The following THUMPD3 variants were observed in gnomAD, a reference collection of about 807,000 sequenced individuals.
THUMPD3 encodes the protein tRNA (guanine(6)-N(2))-methyltransferase THUMP3.
Under a neutral mutation model 54.5 loss-of-function variants are expected in THUMPD3, and 44 were observed. That is an observed-to-expected ratio of 0.81 (90% CI 0.63 to 1.04). The LOEUF (loss-of-function observed/expected upper bound fraction) is 1.04, where lower values mean the gene tolerates loss of function less well. Among genes scored for constraint, THUMPD3 ranks in the 50% least tolerant of loss-of-function variants. THUMPD3 has a pLI of 0.00. For synonymous variants in THUMPD3, 196 were observed against 201.4 expected (o/e 0.97, Z 0.23); for missense variants, 604 against 601.3 (o/e 1.00, Z -0.05).
In THUMPD3 at chr3:9,380,507, C is replaced by A. The variant is rs1348327465; in HGVS notation, c.1013C>A (p.Ala338Asp). Residue 338 changes from alanine (A) to aspartate (D), a missense_variant, in exon 7 of 10, where the codon GCC becomes GAC. By Grantham distance (126) the Ala-to-Asp change is moderately radical. Coordinates refer to ENST00000452837, the MANE Select transcript of THUMPD3 (RefSeq NM_001114092.2). ...ACATACACTCTTATCTTTTAGGGGG[C>A]CACTGAATGGTCTGACTGTTTCCAT... ...CGTGAIPIEG[A>D]TEWSDCFHIA... 1.2e-6 allele frequency: 2 copies of A among 1,600,786 alleles called. No homozygotes were observed. Among genetic ancestry groups the A allele is most frequent in the Non-Finnish European group, 1.7e-6 (2 of 1,169,994 alleles).
Position 9,386,432 on chromosome 3 carries a change from T to G in THUMPD3, c.*1744T>G, listed in dbSNP as rs959341088. Reference sequence around the variant, plus strand: ...GGGCAGGGTATTGTATCTGCCAGACTGGGTATTTGTTGAACAAGCGAGTAT... The same window carrying G: ...GGGCAGGGTATTGTATCTGCCAGACGGGGTATTTGTTGAACAAGCGAGTAT... On this transcript the variant is annotated 3_prime_UTR_variant, in exon 10 of 10. Coordinates refer to ENST00000452837, the MANE Select transcript of THUMPD3 (RefSeq NM_001114092.2). The G allele has an allele frequency of 1.6e-5, 2 of 128,808 alleles. No homozygotes were observed. Among genetic ancestry groups the G allele is most frequent in the Admixed American group, 1.9e-4 (2 of 10,468 alleles). The allele number at this position is 128,808 out of a possible 1,614,324, so 8.0% of individuals were successfully genotyped here. A position where few individuals can be genotyped will look rare whatever the true frequency, so the allele number is the denominator to read the frequency against.
chr3:9,370,429 G>C (rs1458712080), intron 3 of THUMPD3, among the ~76,000 whole-genome samples: 1 of 152,184 alleles, frequency 6.6e-6, no homozygotes, highest in Non-Finnish European at 1.5e-5. Context: ...ATTGTAGTCA[G>C]TGTTCATTCT....
Position 9,386,116 on chromosome 3 carries a change from A to C in THUMPD3, c.*1428A>C, listed in dbSNP as rs1231287401. ...TTTTGAAAGAAGAGTTCACATTAGCAGCACAGCCAGCAATCCTCATCTGGT... is the reference window on the plus strand; with the variant it reads ...TTTTGAAAGAAGAGTTCACATTAGCCGCACAGCCAGCAATCCTCATCTGGT... On this transcript the variant is annotated 3_prime_UTR_variant, in exon 10 of 10. Transcript: ENST00000452837. 6.6e-6 allele frequency: 1 copy of C among 152,260 alleles called. No homozygotes were observed. Among genetic ancestry groups the C allele is most frequent in the Non-Finnish European group, 1.5e-5 (1 of 68,052 alleles). The allele number at this position is 152,260 out of a possible 1,614,324, so 9.4% of individuals were successfully genotyped here.
At chr3:9,368,345 C>T (rs1325865184) in intron 3 of THUMPD3, among the ~76,000 whole-genome samples, 7 of 147,316 alleles carry the variant, frequency 4.8e-5, no homozygotes, top group Non-Finnish European at 7.4e-5. Context: ...CCATTCCCCA[C>T]CTCCACCCGC....
At chr3:9,383,808 G>T (rs1036721116) in intron 8 of THUMPD3, among the ~76,000 whole-genome samples, 1 of 152,144 alleles carries the variant, frequency 6.6e-6, no homozygotes, top group Non-Finnish European at 1.5e-5. Context: ...ATTTTTAAAA[G>T]ACAGGGTTTC....
chr3:9,372,480 T>C (rs760402050), intron 4 of THUMPD3, among the ~76,000 whole-genome samples: 2 of 151,824 alleles, frequency 1.3e-5, no homozygotes, highest in Non-Finnish European at 2.9e-5. Context: ...CTGGGGAGGC[T>C]GAGGCAGGAG....
chr3:9,372,069 G>T (rs2032087134), intron 4 of THUMPD3, among the ~76,000 whole-genome samples: 1 of 152,134 alleles, frequency 6.6e-6, no homozygotes, highest in Non-Finnish European at 1.5e-5. Flanking sequence ...TAGACATGGG[G>T]TTTCACCCTG....
chr3:9,365,208 G>C lies in THUMPD3; in HGVS notation c.140G>C (p.Gly47Ala). Residue 47 changes from glycine (G) to alanine (A), a missense_variant, in exon 2 of 10, where the codon GGC becomes GCC. Gly to Ala is a moderately conservative substitution (Grantham distance 60). Coordinates refer to ENST00000452837, the MANE Select transcript of THUMPD3 (RefSeq NM_001114092.2). ...ACTATTGGAGCCACTGTACCTACTGGCTTTGAGCAAACAGCTGCAGATGAA... is the reference window on the plus strand; with the variant it reads ...ACTATTGGAGCCACTGTACCTACTGCCTTTGAGCAAACAGCTGCAGATGAA... ...LVTIGATVPT[G>A]FEQTAADEVR... 1 of 1,614,182 alleles carries C rather than the reference G, an allele frequency of 6.2e-7. No individual in the cohort carries two copies. Among genetic ancestry groups the C allele is most frequent in the African/African-American group, 1.3e-5 (1 of 75,046 alleles).
chr3:9,376,654 A>G (rs957328139), intron 5 of THUMPD3, among the ~76,000 whole-genome samples: 1 of 152,236 alleles, frequency 6.6e-6, no homozygotes, highest in Non-Finnish European at 1.5e-5. Context: ...CTTGTGAGGG[A>G]GATAAATAGT....
chr3:9,381,650 GTC>G (rs1472732254), intron 7 of THUMPD3, among the ~76,000 whole-genome samples: 1 of 62,146 alleles, frequency 1.6e-5, no homozygotes, highest in Non-Finnish European at 2.7e-5. Context: ...TATATGGCCA[GTC>G]TTTTTTTTTT....
In THUMPD3 at chr3:9,385,599, A is replaced by C. The variant is rs1371928766; in HGVS notation, c.*911A>C. 1 of 152,268 alleles carries C rather than the reference A, an allele frequency of 6.6e-6. No individual in the cohort carries two copies. 9.4% of individuals were successfully genotyped at this position (152,268 alleles called of 1,614,324 possible). A position where few individuals can be genotyped will look rare whatever the true frequency, so the allele number is the denominator to read the frequency against. ...TAGAGGTCTAGGAATTATCAAAGGT[A>C]CTGCAAAAATACTGTATAGAACTTA... On this transcript the variant is annotated 3_prime_UTR_variant, in exon 10 of 10. Transcript: ENST00000452837.
Position 9,367,002 on chromosome 3 carries a change from ATGGTGG to A in THUMPD3, c.330+18_330+23del. ...CAAACAAAGGTGAGCTATCCTAAAC[ATGGTGG>A]CTGATTTTTGGCTGTCTTCCACAAA... On this transcript the variant is annotated intron_variant, in intron 3 of 9. Coordinates refer to ENST00000452837, the MANE Select transcript of THUMPD3 (RefSeq NM_001114092.2). 6.3e-7 allele frequency: 1 copy of A among 1,592,024 alleles called. No individual in the cohort carries two copies. Among genetic ancestry groups the A allele is most frequent in the Non-Finnish European group, 8.6e-7 (1 of 1,168,958 alleles).
chr3:9,383,186 T>C lies in THUMPD3; in HGVS notation c.1125-13T>C, dbSNP rs200273269. On this transcript the variant is annotated splice_polypyrimidine_tract_variant and intron_variant, in intron 7 of 9. Coordinates refer to ENST00000452837, the MANE Select transcript of THUMPD3 (RefSeq NM_001114092.2). ...TCACAGTATGTTGAAGCACCTTTCC[T>C]TTGTCCCCACAGCAAACCCTCCTGG... The C allele has an allele frequency of 1.3e-6, 2 of 1,599,478 alleles. No homozygotes were observed.
intron 7 of THUMPD3, among the ~76,000 whole-genome samples, chr3:9,381,066 G>A (rs1012911036): frequency 8.5e-5 from 13 of 152,152 alleles, no homozygotes. Flanking sequence ...CTAGTAGCTA[G>A]GAATACAGGC....
Position 9,365,254 on chromosome 3 carries a change from A to G in THUMPD3, c.186A>G (p.Ser62=). ...ATGAAGTCAGAGAGAAACTTGGGTC[A>G]TCATGCAAAATCAGCAGAGACCGTG... ...AADEVREKLG[S]SCKISRDRGK... is the part of the protein sequence containing the mutation. Residue 62 remains serine (S), a synonymous_variant, in exon 2 of 10, where the codon TCA becomes TCG. Coordinates refer to ENST00000452837, the MANE Select transcript of THUMPD3 (RefSeq NM_001114092.2). The G allele has an allele frequency of 6.2e-7, 1 of 1,614,204 alleles. No individual in the cohort carries two copies. The highest frequency in any genetic ancestry group is 8.5e-7 in the Non-Finnish European group (1 of 1,180,042).
chr3:9,380,407 A>C, intron 6 of THUMPD3, 96 bp from the exon 7 acceptor site: 1 of 794,560 alleles, frequency 1.3e-6, no homozygotes, highest in Non-Finnish European at 2.0e-6. Context: ...ATGTTTTGCC[A>C]CTCTAGAAAA....
intron 5 of THUMPD3, 76 bp from the exon 6 acceptor site, chr3:9,377,743 A>G: frequency 8.5e-7 from 1 of 1,174,120 alleles, no homozygotes; most frequent in Non-Finnish European, 1.3e-6. Flanking sequence ...CCTCAATCTT[A>G]AAGCTTCAGG....
chr3:9,372,655 T>G (rs544861956), intron 4 of THUMPD3, among the ~76,000 whole-genome samples: 1 of 152,312 alleles, frequency 6.6e-6, no homozygotes, highest in African/African-American at 2.4e-5. Flanking sequence ...ATACTCATCC[T>G]AGAGTCAGCT....
rs201687992 is a variant in THUMPD3 at position 9,379,138 on chromosome 3, A to AT, written c.1008+1261dup. ...AGTATAAAATACTTGATCTAGAATA[A>AT]TTTTTTTTTTTAATTTAGAAGTGTT... is the stretch of plus-strand genomic sequence containing the variant. On this transcript the variant is annotated intron_variant, in intron 6 of 9. Transcript: ENST00000452837. Among the ~76,000 whole-genome samples, 636 of 149,064 alleles carry AT rather than the reference A, an allele frequency of 4.3e-3. 8 individuals carry two copies. The highest frequency in any genetic ancestry group is 0.028 in the East Asian group (145 of 5,126).
Sources: gnomAD v4.1 joint callset for allele counts (sites outside exome capture counted in the v4.1 genomes callset) on GRCh38, gnomAD v4.1.1 for gene constraint, MANE v1.5 for transcripts, NCBI Gene and HGNC (gene_info 2026-07-23, HGNC 2026-07-21) for gene names.